The following KCNN2 variants were observed in gnomAD, a reference collection of about 807,000 sequenced individuals.
The protein encoded by KCNN2 is potassium calcium-activated channel subfamily N member 2, also known as small conductance calcium-activated potassium channel protein 2.
Under a neutral mutation model 55.5 loss-of-function variants are expected in KCNN2, and 24 were observed. The observed-to-expected ratio is 0.43, with a 90% confidence interval of 0.31 to 0.61. KCNN2 has a LOEUF of 0.61. Among genes scored for constraint, KCNN2 ranks in the 20% least tolerant of loss-of-function variants. KCNN2 has a pLI of 0.08. For missense variants in KCNN2, 754 were observed against 853.6 expected, an observed-to-expected ratio of 0.88 and a Z score of 1.45; for synonymous variants, 431 against 336.1, an observed-to-expected ratio of 1.28 and a Z score of -3.09.
chr5:114,441,213 A>G (rs1760196801), intron 3 of KCNN2, among the ~76,000 whole-genome samples: 1 of 152,222 alleles, frequency 6.6e-6, no homozygotes, highest in Non-Finnish European at 1.5e-5. Flanking sequence ...TGAGCAAACT[A>G]GAGAAATTAA....
intron 2 of KCNN2, among the ~76,000 whole-genome samples, chr5:114,227,831 A>G (rs559347528): frequency 1.6e-4 from 25 of 152,150 alleles, no homozygotes; most frequent in Non-Finnish European, 3.2e-4. Flanking sequence ...TAAACATTAA[A>G]CATATACATG....
At chr5:114,290,780 C>T (rs570296565) in intron 2 of KCNN2, among the ~76,000 whole-genome samples, 2 of 152,118 alleles carry the variant, frequency 1.3e-5, no homozygotes, top group African/African-American at 4.8e-5. Flanking sequence ...TTCTTTAATG[C>T]TATGTTTTTG....
intron 1 of KCNN2, among the ~76,000 whole-genome samples, chr5:114,068,306 CTT>C (rs1233791435): frequency 6.6e-6 from 1 of 152,134 alleles, no homozygotes; most frequent in Non-Finnish European, 1.5e-5. Flanking sequence ...AGAAAACAGA[CTT>C]GGGCAGAAAT....
intron 2 of KCNN2, among the ~76,000 whole-genome samples, chr5:114,284,591 C>G (rs190136315): frequency 5.3e-5 from 8 of 152,188 alleles, no homozygotes; most frequent in African/African-American, 1.9e-4. Flanking sequence ...AGTCTTGGCT[C>G]ACTGCAATCT....
chr5:114,270,225 A>C (rs1156476062), intron 2 of KCNN2, among the ~76,000 whole-genome samples: 1 of 152,190 alleles, frequency 6.6e-6, no homozygotes, highest in Non-Finnish European at 1.5e-5. Context: ...TTTACTCTCT[A>C]ATAAGTTCAG....
rs939346216 is a variant in KCNN2 at position 114,294,029 on chromosome 5, G to T, written c.-184-66916G>T. 1.2e-3 allele frequency among the ~76,000 whole-genome samples: 177 copies of T among 152,132 alleles called. 1 individual carries two copies. Among genetic ancestry groups the T allele is most frequent in the Non-Finnish European group, 7.4e-4 (50 of 67,996 alleles). ...TGGTAGTTTGTATTTCTGTGGGATC[G>T]GTGGTGATATCCCCTTTATCATTTT... is the stretch of plus-strand genomic sequence containing the variant. On this transcript the variant is annotated intron_variant, in intron 2 of 10. Transcript: ENST00000512097.
intron 2 of KCNN2, among the ~76,000 whole-genome samples, chr5:114,319,049 T>G (rs1756562696): frequency 1.3e-5 from 2 of 152,108 alleles, no homozygotes; most frequent in African/African-American, 2.4e-5. Flanking sequence ...TACACAGACC[T>G]CTGTATAAAT....
At position 114,495,962 on chromosome 5, in the gene KCNN2, T is replaced by C. The variant is rs768646390; in HGVS notation, c.2156T>C (p.Ile719Thr). 5 of 1,614,058 alleles carry C rather than the reference T, an allele frequency of 3.1e-6. No individual in the cohort carries two copies. Among genetic ancestry groups the C allele is most frequent in the Non-Finnish European group, 3.4e-6 (4 of 1,179,956 alleles). The change falls in exon 8 of 8, where the codon ATT (isoleucine) becomes ACT (threonine). Residue 719 changes from isoleucine to threonine, a missense_variant. By Grantham distance (89) the Ile-to-Thr change is moderately conservative (BLOSUM62 -1). Coordinates refer to ENST00000673685, the MANE Select transcript of KCNN2 (RefSeq NM_021614.4). ...AGGAGTGAAGACTTCGAGAAGAGGATTGTTACCCTGGAAACAAAACTAGAG... is the reference window on the plus strand; with the variant it reads ...AGGAGTGAAGACTTCGAGAAGAGGACTGTTACCCTGGAAACAAAACTAGAG... Reference protein sequence around the residue: ...NERSEDFEKRIVTLETKLETL... With the variant: ...NERSEDFEKRTVTLETKLETL...
intron 2 of KCNN2, among the ~76,000 whole-genome samples, chr5:114,232,149 T>G (rs1379232605): frequency 1.3e-5 from 2 of 151,028 alleles, no homozygotes; most frequent in Non-Finnish European, 2.9e-5. Flanking sequence ...TCACTTTGAT[T>G]GTTTCGAGTT....
At chr5:114,107,906 C>T (rs538158817) in intron 1 of KCNN2, among the ~76,000 whole-genome samples, 279 of 152,034 alleles carry the variant, frequency 1.8e-3, no homozygotes, top group African/African-American at 6.5e-3. Context: ...CGTTTTGCCG[C>T]GTTCTTGGTT....
At chr5:114,312,434 CATAT>C (rs59964515) in intron 2 of KCNN2, among the ~76,000 whole-genome samples, 360 of 22,452 alleles carry the variant, frequency 0.016, no homozygotes, top group Non-Finnish European at 0.021. Flanking sequence ...CACACACACA[CATAT>C]ATATATATAT....
At chr5:114,324,090 C>T (rs1027385097) in intron 2 of KCNN2, among the ~76,000 whole-genome samples, 1 of 152,114 alleles carries the variant, frequency 6.6e-6, no homozygotes, top group African/African-American at 2.4e-5. Flanking sequence ...AGCTAAAAAG[C>T]AATACATCAA....
chr5:114,300,756 ACAAATAT>A (rs1399974245), intron 2 of KCNN2, among the ~76,000 whole-genome samples: 5 of 152,238 alleles, frequency 3.3e-5, no homozygotes, highest in Non-Finnish European at 7.3e-5. Context: ...AATGTTGATT[ACAAATAT>A]CATTTCCCTT....
chr5:114,375,303 A>T (rs1292346764), intron 2 of KCNN2, among the ~76,000 whole-genome samples: 1 of 152,192 alleles, frequency 6.6e-6, no homozygotes, highest in Non-Finnish European at 1.5e-5. Flanking sequence ...ATAATGTGAC[A>T]TAAAAGTGAT....
At chr5:114,175,918 A>C (rs2112547832) in intron 1 of KCNN2, among the ~76,000 whole-genome samples, 1 of 152,362 alleles carries the variant, frequency 6.6e-6, no homozygotes, top group African/African-American at 2.4e-5. Flanking sequence ...TCCTGAAAAC[A>C]GTAAATTTCA....
chr5:114,495,330 C>G (rs1318999062), intron 7 of KCNN2, among the ~76,000 whole-genome samples: 1 of 152,122 alleles, frequency 6.6e-6, no homozygotes, highest in Non-Finnish European at 1.5e-5. Context: ...TAATTTGGAA[C>G]AAAGGATAAC....
chr5:114,487,073 A>T lies in KCNN2; in HGVS notation c.1914A>T (p.Val638=). The T allele has an allele frequency of 6.2e-7, 1 of 1,612,828 alleles. No homozygotes were observed. Reference sequence around the variant, plus strand: ...AGGTAAAAAATGCAGCTGCCAATGTACTCAGGGAAACATGGCTAATTTACA... The same window carrying T: ...AGGTAAAAAATGCAGCTGCCAATGTTCTCAGGGAAACATGGCTAATTTACA... ...TKRVKNAAAN[V]LRETWLIYKN... The change falls in exon 6 of 8, where the codon GTA becomes GTT. Residue 638 remains valine (V), a synonymous_variant. Coordinates refer to ENST00000673685, the MANE Select transcript of KCNN2 (RefSeq NM_021614.4).
At chr5:114,207,936 AT>A (rs1340776809) in intron 1 of KCNN2, among the ~76,000 whole-genome samples, 1 of 152,292 alleles carries the variant, frequency 6.6e-6, no homozygotes, top group African/African-American at 2.4e-5. Flanking sequence ...TGACTTAAAT[AT>A]GTGTAAAACT....
chr5:114,392,137 G>A (rs2150064032), intron 2 of KCNN2, among the ~76,000 whole-genome samples: 1 of 152,332 alleles, frequency 6.6e-6, no homozygotes, highest in East Asian at 1.9e-4. Flanking sequence ...AGGCAAGAGA[G>A]AAGGATGGGA....
Sources: allele counts gnomAD v4.1 joint callset (sites outside exome capture counted in the v4.1 genomes callset), GRCh38; gene constraint gnomAD v4.1.1; transcripts MANE v1.5; gene names NCBI Gene and HGNC (gene_info 2026-07-23, HGNC 2026-07-21).